Variants in CACHD1 observed in about 807,000 individuals in gnomAD.
CACHD1 encodes VWFA and cache domain-containing protein 1.
In CACHD1, 71 loss-of-function variants were observed where a neutral mutation model predicts 138.7. That is an observed-to-expected ratio of 0.51 (90% confidence interval 0.42 to 0.62). The LOEUF (loss-of-function observed/expected upper bound fraction) is 0.62. Ranked by LOEUF, CACHD1 falls within the 20% of genes least tolerant of loss-of-function variation. CACHD1 has a pLI of 0.00. For synonymous variants in CACHD1, 578 were observed against 591.5 expected (o/e 0.98, Z 0.33); for missense variants, 1,389 against 1,625.3 (o/e 0.85, Z 2.50).
chr1:64,532,002 A>G (rs147016784), intron 1 of CACHD1, among the ~76,000 whole-genome samples: 1 of 152,348 alleles, frequency 6.6e-6, no homozygotes, highest in Non-Finnish European at 1.5e-5. Flanking sequence ...GATAGGGATA[A>G]GGGTGGGGAG....
chr1:64,579,721 C>T (rs563632704), intron 2 of CACHD1: 1 of 152,504 alleles, frequency 6.6e-6, no homozygotes, highest in South Asian at 2.1e-4. Flanking sequence ...AGGTTGATGA[C>T]TCTCAGGAAT....
chr1:64,499,368 C>A (rs1646324663), intron 1 of CACHD1, among the ~76,000 whole-genome samples: 1 of 152,200 alleles, frequency 6.6e-6, no homozygotes, highest in African/African-American at 2.4e-5. Flanking sequence ...TTTGCCAGTA[C>A]ACAAAATCAG....
chr1:64,477,041 A>G lies in CACHD1; in HGVS notation c.198+6099A>G, dbSNP rs114156858. On this transcript the variant is annotated intron_variant, in intron 1 of 26. Transcript: ENST00000651257. ...GACAAGAATTTTGACTCAGCCAGTT[A>G]GTTATTAACTGTGTAACTTCTGTCA... is the stretch of plus-strand genomic sequence containing the variant. Among the ~76,000 whole-genome samples the G allele has an allele frequency of 1.7e-3, 254 of 152,306 alleles. 1 individual carries two copies. The highest frequency in any genetic ancestry group is 5.8e-3 in the African/African-American group (240 of 41,578).
chr1:64,579,235 A>T (rs574878422), intron 2 of CACHD1, among the ~76,000 whole-genome samples: 1 of 152,230 alleles, frequency 6.6e-6, no homozygotes, highest in Non-Finnish European at 1.5e-5. Flanking sequence ...AAAACATTTA[A>T]AAGTGTAAGA....
At chr1:64,629,255 T>C in intron 4 of CACHD1, 100 bp from the exon 5 acceptor site, 1 of 1,323,000 alleles carries the variant, frequency 7.6e-7, no homozygotes, top group South Asian at 1.5e-5. Flanking sequence ...TGGGATTTCT[T>C]CATACTAGAA....
At chr1:64,519,893 A>G (rs1164672520) in intron 1 of CACHD1, among the ~76,000 whole-genome samples, 1 of 152,184 alleles carries the variant, frequency 6.6e-6, no homozygotes, top group Non-Finnish European at 1.5e-5. Context: ...TTTTGCTACT[A>G]TCCCACAACC....
chr1:64,681,541 G>GGTTTTTTTTTGTTTTTT (rs1553146851), intron 25 of CACHD1, among the ~76,000 whole-genome samples: 2 of 68,132 alleles, frequency 2.9e-5, no homozygotes, highest in African/African-American at 1.5e-4. Context: ...ATTTTATTGT[G>GGTTTTTTTTTGTTTTTT]TTTTTTTTTT....
At chr1:64,542,686 C>T (rs1646686073) in intron 1 of CACHD1, among the ~76,000 whole-genome samples, 1 of 152,000 alleles carries the variant, frequency 6.6e-6, no homozygotes, top group Non-Finnish European at 1.5e-5. Context: ...TGATCAACTT[C>T]TAGGTGTTAC....
intron 1 of CACHD1, among the ~76,000 whole-genome samples, chr1:64,518,231 C>G (rs2100366468): frequency 6.6e-6 from 1 of 152,214 alleles, no homozygotes; most frequent in Non-Finnish European, 1.5e-5. Flanking sequence ...CGGACATACT[C>G]TCAGCACACA....
rs1259248846 is a variant in CACHD1, at chr1:64,678,332, A to G, written c.3244+22A>G. 3.3e-6 allele frequency: 5 copies of G among 1,531,312 alleles called. No homozygotes were observed. In the Admixed American group the frequency reaches 1.2e-4, roughly 35 times the overall value. The allele number at this position is 1,531,312 out of a possible 1,614,324, so 94.9% of individuals were successfully genotyped here. ...ATAGGTATGTTTGTTAGATGCCCCA[A>G]CAATTTGATTCTTGAATATACAATT... is the stretch of plus-strand genomic sequence containing the variant. On this transcript the variant is annotated intron_variant, in intron 23 of 26. Coordinates refer to ENST00000651257, the MANE Select transcript of CACHD1 (RefSeq NM_020925.4).
intron 2 of CACHD1, among the ~76,000 whole-genome samples, chr1:64,575,369 A>G (rs1436286437): frequency 6.6e-6 from 1 of 152,240 alleles, no homozygotes; most frequent in Non-Finnish European, 1.5e-5. Context: ...GATGTGCAAC[A>G]TGAAACAATG....
chr1:64,644,681 C>G (rs1178141537), intron 8 of CACHD1, among the ~76,000 whole-genome samples: 1 of 152,230 alleles, frequency 6.6e-6, no homozygotes, highest in Non-Finnish European at 1.5e-5. Context: ...AGTTTTCTCT[C>G]TCTTTCTCAG....
intron 12 of CACHD1, among the ~76,000 whole-genome samples, chr1:64,657,353 G>C (rs1649301094): frequency 6.6e-6 from 1 of 152,120 alleles, no homozygotes; most frequent in Admixed American, 6.5e-5. Context: ...TTTATAAAGT[G>C]CTACTTTTAG....
chr1:64,606,877 C>A (rs1422209015), intron 4 of CACHD1, among the ~76,000 whole-genome samples: 2 of 152,012 alleles, frequency 1.3e-5, no homozygotes, highest in African/African-American at 4.8e-5. Context: ...CTTCTAAGAT[C>A]CTTGGCCTTA....
chr1:64,561,500 T>G (rs923034292), intron 2 of CACHD1, among the ~76,000 whole-genome samples: 1 of 152,232 alleles, frequency 6.6e-6, no homozygotes, highest in South Asian at 2.1e-4. Context: ...TAATATTTCT[T>G]GTAGTGAAGA....
chr1:64,652,137 ATTTAT>A lies in CACHD1; in HGVS notation c.1391-20_1391-16del. ...CAATTCCTTCTCTGCTGGTCTTTAG[ATTTAT>A]TTTGTTTTTAACCCATAGGTTTGAT... is the stretch of plus-strand genomic sequence containing the variant. On this transcript the variant is annotated intron_variant, in intron 9 of 26. Coordinates refer to ENST00000651257, the MANE Select transcript of CACHD1 (RefSeq NM_020925.4). 6.3e-7 allele frequency: 1 copy of A among 1,586,238 alleles called. No individual in the cohort carries two copies. The highest frequency in any genetic ancestry group is 8.6e-7 in the Non-Finnish European group (1 of 1,167,944).
At chr1:64,593,703 C>T (rs954843926) in intron 3 of CACHD1, among the ~76,000 whole-genome samples, 9 of 152,000 alleles carry the variant, frequency 5.9e-5, no homozygotes, top group Non-Finnish European at 8.8e-5. Context: ...ACCTGCAGGC[C>T]GACTAAATGT....
intron 1 of CACHD1, among the ~76,000 whole-genome samples, chr1:64,549,777 A>G (rs1646744558): frequency 6.6e-6 from 1 of 151,156 alleles, no homozygotes; most frequent in African/African-American, 2.4e-5. Flanking sequence ...GATAAATGAT[A>G]AGGCTGCTGC....
At chr1:64,560,987 C>T (rs886331016) in intron 2 of CACHD1, among the ~76,000 whole-genome samples, 23 of 152,046 alleles carry the variant, frequency 1.5e-4, no homozygotes, top group African/African-American at 5.6e-4. Flanking sequence ...GATATAGCAA[C>T]TCCATCCTTT....
Sources: gnomAD v4.1 joint callset for allele counts (sites outside exome capture counted in the v4.1 genomes callset) on GRCh38, gnomAD v4.1.1 for gene constraint, MANE v1.5 for transcripts, NCBI Gene and HGNC (gene_info 2026-07-23, HGNC 2026-07-21) for gene names.